SCP2: variants seen among roughly 807,000 people sequenced by gnomAD.
SCP2 encodes SCP-2/3-oxoacyl-CoA thiolase.
Under a neutral mutation model 71.4 loss-of-function variants are expected in SCP2, and 48 were observed. That is an observed-to-expected ratio of 0.67 (90% CI 0.53 to 0.86). SCP2 has a LOEUF of 0.86. SCP2 is among the 40% of genes least tolerant of loss of function. SCP2 has a pLI of 0.00. For synonymous variants in SCP2, 220 were observed against 218.1 expected (o/e 1.01, Z -0.08); for missense variants, 560 against 655.6 (o/e 0.85, Z 1.59).
At chr1:52,998,409 AG>A (rs1427120230) in intron 11 of SCP2, among the ~76,000 whole-genome samples, 2 of 152,174 alleles carry the variant, frequency 1.3e-5, no homozygotes, top group African/African-American at 4.8e-5. Context: ...CGGCCTGGGC[AG>A]CAAAGCAAGA....
intron 12 of SCP2, among the ~76,000 whole-genome samples, chr1:53,024,149 T>G (rs150725585): frequency 2.6e-5 from 4 of 152,308 alleles, no homozygotes; most frequent in Non-Finnish European, 5.9e-5. Context: ...TGCTGCAAGA[T>G]GGATGATCCT....
chr1:53,034,253 G>T lies in SCP2; in HGVS notation c.1339-4664G>T, dbSNP rs1015374387. On this transcript the variant is annotated intron_variant, in intron 13 of 15. Transcript: ENST00000371514. Reference sequence around the variant, plus strand: ...AACATGCCACTGCACTCCAGCCTGGGTGACAGAGTGACTCCATTTAAAAAA... The same window carrying T: ...AACATGCCACTGCACTCCAGCCTGGTTGACAGAGTGACTCCATTTAAAAAA... 7.2e-5 allele frequency among the ~76,000 whole-genome samples: 11 copies of T among 151,890 alleles called. 1 individual carries two copies. The highest frequency in any genetic ancestry group is 2.2e-4 in the African/African-American group (9 of 41,346).
At chr1:53,018,680 G>A (rs997589621) in intron 12 of SCP2, among the ~76,000 whole-genome samples, 2 of 151,962 alleles carry the variant, frequency 1.3e-5, no homozygotes, top group Non-Finnish European at 2.9e-5. Flanking sequence ...GGCAGAGGTT[G>A]GGGTGAGCTG....
Position 52,978,214 on chromosome 1 carries a change from T to G in SCP2, c.675-3T>G. 6.2e-7 allele frequency: 1 copy of G among 1,613,426 alleles called. No individual in the cohort carries two copies. Among genetic ancestry groups the G allele is most frequent in the Non-Finnish European group, 8.5e-7 (1 of 1,179,904 alleles). On this transcript the variant is annotated splice_region_variant and splice_polypyrimidine_tract_variant and intron_variant, in intron 8 of 15. Coordinates refer to ENST00000371514, the MANE Select transcript of SCP2 (RefSeq NM_002979.5). ...GTGGAGAATTATTTTTACTTCCTCT[T>G]AGTCCCACTTCAGATGGTGCTGCAG...
chr1:52,954,621 A>C (rs1655628007), intron 4 of SCP2, 119 bp from the exon 5 acceptor site: 1 of 841,566 alleles, frequency 1.2e-6, no homozygotes, highest in African/African-American at 1.7e-5. Context: ...AACTGATGGG[A>C]CTATAAGTTC....
rs1414502671 is a variant in SCP2 at position 52,961,561 on chromosome 1, G to C, written c.455G>C (p.Gly152Ala). Residue 152 changes from glycine (G) to alanine (A), a missense_variant, in exon 6 of 16, where the codon GGA (glycine) becomes GCA (alanine). Physicochemically the swap from Gly to Ala is moderately conservative, Grantham distance 60. Transcript: ENST00000371514. ...KHVDLLINKYGLSAHPVAPQM... is the reference protein window; with the variant it reads ...KHVDLLINKYALSAHPVAPQM... ...GTTGACCTCCTGATCAATAAGTATG[G>C]ATTGTCTGCTCACCCAGTTGCTCCT... The C allele has an allele frequency of 6.2e-7, 1 of 1,613,712 alleles. No homozygotes were observed. The highest frequency in any genetic ancestry group is 8.5e-7 in the Non-Finnish European group (1 of 1,179,714).
chr1:53,001,639 G>A (rs1660323669), intron 11 of SCP2, among the ~76,000 whole-genome samples: 1 of 152,110 alleles, frequency 6.6e-6, no homozygotes, highest in African/African-American at 2.4e-5. Context: ...TCAAACACAG[G>A]CTATGTATTC....
At chr1:52,994,917 C>A (rs985574891) in intron 11 of SCP2, 8 of 521,636 alleles carry the variant, frequency 1.5e-5, no homozygotes, top group Non-Finnish European at 2.7e-5. Context: ...CTTGTGCTAA[C>A]CTGGTGGATC....
rs558101871 is a variant in SCP2, at chr1:53,038,806, C to T, written c.1339-111C>T. ...AAAGATCATAAGGGACCTTGGGGAC[C>T]GCTCCCTGGCCCGTATACTCATATC... is the stretch of plus-strand genomic sequence containing the variant. On this transcript the variant is annotated intron_variant, in intron 13 of 15. Coordinates refer to ENST00000371514, the MANE Select transcript of SCP2 (RefSeq NM_002979.5). 6.4e-5 allele frequency: 87 copies of T among 1,361,048 alleles called. No homozygotes were observed. The East Asian group carries it at 1.0e-3, about 16-fold the overall frequency. 84.3% of individuals were successfully genotyped at this position (1,361,048 alleles called of 1,614,324 possible). A position where few individuals can be genotyped will look rare whatever the true frequency, so the allele number is the denominator to read the frequency against.
chr1:53,028,673 A>T (rs60926139), intron 13 of SCP2, among the ~76,000 whole-genome samples: 1 of 152,026 alleles, frequency 6.6e-6, no homozygotes, highest in South Asian at 2.1e-4. Flanking sequence ...TCTGCCACTC[A>T]GAGTTTACTG....
rs750424256 is a variant in SCP2, at chr1:52,978,238, A to C, written c.696A>C (p.Ala232=). 19 of 1,613,836 alleles carry C rather than the reference A, an allele frequency of 1.2e-5. No individual in the cohort carries two copies. Among genetic ancestry groups the C allele is most frequent in the Middle Eastern group, 1.7e-4 (1 of 5,882 alleles). The change falls in exon 9 of 16, where the codon GCA becomes GCC. Residue 232 remains alanine, a synonymous_variant. Transcript: ENST00000371514. ...TTAGTCCCACTTCAGATGGTGCTGC[A>C]GCAGCAATTTTGGCCAGTGAAGCAT... ...LQCCPTSDGA[A]AAILASEAFV...
chr1:53,005,447 A>G (rs1323079871), intron 11 of SCP2, among the ~76,000 whole-genome samples: 1 of 152,206 alleles, frequency 6.6e-6, no homozygotes, highest in Non-Finnish European at 1.5e-5. Flanking sequence ...TCAGGCAGCA[A>G]CATTTGCTGT....
chr1:52,988,984 C>T lies in SCP2; in HGVS notation c.1081+848C>T, dbSNP rs188213650. Among the ~76,000 whole-genome samples the T allele has an allele frequency of 5.9e-3, 905 of 152,260 alleles. 8 individuals carry two copies. The highest frequency in any genetic ancestry group is 0.021 in the African/African-American group (867 of 41,548). The stretch of plus-strand genomic sequence containing the variant: ...TGGGATTACCGGCATGGGCCACACA[C>T]GGCCACAACATGCATTTTTAATATA... On this transcript the variant is annotated intron_variant, in intron 11 of 15. Transcript: ENST00000371514.
At chr1:52,978,723 C>T (rs771215533) in intron 9 of SCP2, among the ~76,000 whole-genome samples, 8 of 151,832 alleles carry the variant, frequency 5.3e-5, no homozygotes, top group South Asian at 2.1e-4. Flanking sequence ...CCACGACTGC[C>T]GGCTAATGTT....
chr1:53,026,036 C>G (rs1662107452), intron 12 of SCP2, among the ~76,000 whole-genome samples: 1 of 152,152 alleles, frequency 6.6e-6, no homozygotes, highest in South Asian at 2.1e-4. Context: ...TGGCTAGCTC[C>G]TTTTCTTCCT....
In SCP2 at chr1:53,011,890, A is replaced by G. The variant is rs140209710; in HGVS notation, c.1082-3000A>G. ...TATTTACATCTAGCTTTTAATTTAC[A>G]TCACCGTTAGGGCTTAGAAAACAAT... On this transcript the variant is annotated intron_variant, in intron 11 of 15. Transcript: ENST00000371514. Among the ~76,000 whole-genome samples, 8 of 152,284 alleles carry G rather than the reference A, an allele frequency of 5.3e-5. No homozygotes were observed. The East Asian group carries it at 1.3e-3, about 26-fold the overall frequency.
In SCP2 at chr1:52,954,759, G is replaced by A; in HGVS notation, c.351G>A (p.Leu117=). The A allele has an allele frequency of 3.7e-6, 6 of 1,613,846 alleles. No homozygotes were observed. Among genetic ancestry groups the A allele is most frequent in the Non-Finnish European group, 5.1e-6 (6 of 1,179,750 alleles). The change falls in exon 5 of 16, where the codon TTG becomes TTA. Residue 117 remains leucine, a synonymous_variant. Transcript: ENST00000371514. ...TTTAAGGTGTGGCAGAATGTGTCTT[G>A]GCTCTTGGGTTTGAGAAGATGAGTA... The part of the protein sequence containing the change: ...LIQGGVAECV[L]ALGFEKMSKG...
chr1:52,929,892 G>A (rs1239748889), intron 1 of SCP2, among the ~76,000 whole-genome samples: 3 of 152,156 alleles, frequency 2.0e-5, no homozygotes, highest in African/African-American at 7.2e-5. Flanking sequence ...CAAAGTGCTG[G>A]GATTACAGGC....
At chr1:53,026,080 C>A (rs923804708) in intron 12 of SCP2, among the ~76,000 whole-genome samples, 1 of 152,050 alleles carries the variant, frequency 6.6e-6, no homozygotes, top group Non-Finnish European at 1.5e-5. Flanking sequence ...CCTTGACTGT[C>A]CTTCCTAAAG....
Sources: allele counts gnomAD v4.1 joint callset (sites outside exome capture counted in the v4.1 genomes callset), GRCh38; gene constraint gnomAD v4.1.1; transcripts MANE v1.5; gene names NCBI Gene and HGNC (gene_info 2026-07-23, HGNC 2026-07-21).